Variants in RBPJ observed in about 807,000 individuals in gnomAD.
RBPJ encodes recombination signal binding protein for immunoglobulin kappa J region, also known as recombining binding protein suppressor of hairless.
RBPJ carries 9 observed loss-of-function variants against 67.8 expected under a neutral mutation model. The ratio of observed to expected loss-of-function variants is 0.13; its 90% CI spans 0.08 to 0.23. The LOEUF is 0.23. Ranked by LOEUF, RBPJ falls within the 10% of genes least tolerant of loss-of-function variation. The pLI, the probability that RBPJ is intolerant of heterozygous loss-of-function variation, is 1.00. For missense variants in RBPJ, 305 were observed against 595.6 expected, an observed-to-expected ratio of 0.51 and a Z score of 5.08; for synonymous variants, 198 against 203.3, an observed-to-expected ratio of 0.97 and a Z score of 0.22.
Position 26,375,336 on chromosome 4 carries a change from C to T in RBPJ, c.21-11017C>T, listed in dbSNP as rs142096731. Among the ~76,000 whole-genome samples the T allele has an allele frequency of 2.1e-3, 314 of 150,660 alleles. 3 individuals carry two copies. Among genetic ancestry groups the T allele is most frequent in the Non-Finnish European group, 2.9e-3 (195 of 67,688 alleles). ...AATAATGTGGGTATGATGTGAGATA[C>T]GCATGCAAAGTATGTAATATAATGC... On this transcript the variant is annotated intron_variant, in intron 1 of 10. Coordinates refer to ENST00000355476, the MANE Select transcript of RBPJ (RefSeq NM_015874.6).
At chr4:26,285,006 A>G (rs1439234520) in intron 1 of RBPJ, among the ~76,000 whole-genome samples, 5 of 151,100 alleles carry the variant, frequency 3.3e-5, no homozygotes, top group Non-Finnish European at 7.4e-5. Flanking sequence ...ACAGGTGCCC[A>G]CCACCACGCC....
intron 1 of RBPJ, among the ~76,000 whole-genome samples, chr4:26,382,776 C>T (rs141272443): frequency 2.6e-5 from 4 of 152,260 alleles, no homozygotes; most frequent in African/African-American, 9.6e-5. Context: ...CCTGTGCTCA[C>T]GCAGTCCACC....
intron 7 of RBPJ, among the ~76,000 whole-genome samples, chr4:26,426,172 A>AT (rs902478195): frequency 6.6e-6 from 1 of 152,100 alleles, no homozygotes; most frequent in Non-Finnish European, 1.5e-5. Context: ...GCATTTATTC[A>AT]TTTTTTTTCT....
intron 1 of RBPJ, among the ~76,000 whole-genome samples, chr4:26,289,364 G>A (rs758359115): frequency 3.6e-5 from 4 of 111,436 alleles, no homozygotes; most frequent in Admixed American, 1.3e-4. Context: ...CAGCCTCAGC[G>A]ACAGAGTGAG....
At chr4:26,351,950 CG>C (rs1726852789) in intron 1 of RBPJ, among the ~76,000 whole-genome samples, 1 of 152,004 alleles carries the variant, frequency 6.6e-6, no homozygotes, top group African/African-American at 2.4e-5. Context: ...TGCTTTGGGT[CG>C]GGGGGAGGTG....
chr4:26,235,816 C>A (rs1448084583), intron 1 of RBPJ, among the ~76,000 whole-genome samples: 1 of 152,252 alleles, frequency 6.6e-6, no homozygotes, highest in Non-Finnish European at 1.5e-5. Context: ...TCCTGATGAG[C>A]TAATTCCCTT....
At chr4:26,193,650 C>T (rs1717649606) in intron 1 of RBPJ, among the ~76,000 whole-genome samples, 1 of 152,184 alleles carries the variant, frequency 6.6e-6, no homozygotes, top group Admixed American at 6.5e-5. Flanking sequence ...AACATAAGCA[C>T]CTTCTCCACT....
At chr4:26,401,119 C>T (rs985913701) in intron 2 of RBPJ, among the ~76,000 whole-genome samples, 1 of 152,216 alleles carries the variant, frequency 6.6e-6, no homozygotes, top group Non-Finnish European at 1.5e-5. Context: ...TAGCTCGAGG[C>T]TACTGACACT....
intron 1 of RBPJ, among the ~76,000 whole-genome samples, chr4:26,351,608 G>A (rs1577498746): frequency 6.6e-6 from 1 of 152,146 alleles, no homozygotes; most frequent in Non-Finnish European, 1.5e-5. Flanking sequence ...CTTGAACTCA[G>A]GAACTCAAGT....
chr4:26,410,117 T>C (rs1733872752), intron 3 of RBPJ: 1 of 443,076 alleles, frequency 2.3e-6, no homozygotes, highest in Non-Finnish European at 4.5e-6. Context: ...TTCAGAGAAG[T>C]GTTCTGGGCT....
At chr4:26,350,663 A>G (rs547914431) in intron 1 of RBPJ, among the ~76,000 whole-genome samples, 1 of 152,344 alleles carries the variant, frequency 6.6e-6, no homozygotes, top group African/African-American at 2.4e-5. Flanking sequence ...GGGAGATAAC[A>G]TTCTAGCAAG....
chr4:26,380,752 G>C (rs907379899), intron 1 of RBPJ, among the ~76,000 whole-genome samples: 1 of 151,602 alleles, frequency 6.6e-6, no homozygotes, highest in African/African-American at 2.4e-5. Flanking sequence ...TTATGAGTTT[G>C]GATTGTTGAT....
intron 1 of RBPJ, among the ~76,000 whole-genome samples, chr4:26,225,177 A>G (rs1719039079): frequency 6.6e-6 from 1 of 152,252 alleles, no homozygotes; most frequent in African/African-American, 2.4e-5. Context: ...GCTGGTATAA[A>G]GGAAAACAGA....
chr4:26,196,282 C>T (rs1171181717), intron 1 of RBPJ, among the ~76,000 whole-genome samples: 1 of 152,198 alleles, frequency 6.6e-6, no homozygotes, highest in Non-Finnish European at 1.5e-5. Context: ...CCTGCTGCAA[C>T]ATGAATGAAC....
intron 1 of RBPJ, among the ~76,000 whole-genome samples, chr4:26,353,303 A>G (rs1726997195): frequency 6.6e-6 from 1 of 152,250 alleles, no homozygotes; most frequent in South Asian, 2.1e-4. Flanking sequence ...GGAAACATAC[A>G]TTGTATCAGA....
chr4:26,397,385 C>T (rs1219483467), intron 2 of RBPJ, among the ~76,000 whole-genome samples: 1 of 152,132 alleles, frequency 6.6e-6, no homozygotes, highest in East Asian at 1.9e-4. Context: ...TCTGAACCCT[C>T]AGTTGTTCAT....
At chr4:26,371,531 A>G (rs1008333977) in intron 1 of RBPJ, among the ~76,000 whole-genome samples, 7 of 151,602 alleles carry the variant, frequency 4.6e-5, no homozygotes, top group African/African-American at 1.7e-4. Context: ...ACTAGTTGGC[A>G]TTTTTTTTTC....
At chr4:26,216,915 A>G (rs1340999926) in intron 1 of RBPJ, among the ~76,000 whole-genome samples, 2 of 152,162 alleles carry the variant, frequency 1.3e-5, no homozygotes, top group Non-Finnish European at 2.9e-5. Flanking sequence ...ACAGAGTAAG[A>G]CACTGTCTTA....
chr4:26,325,325 G>A (rs1723511166), intron 1 of RBPJ, among the ~76,000 whole-genome samples: 1 of 152,122 alleles, frequency 6.6e-6, no homozygotes, highest in Non-Finnish European at 1.5e-5. Context: ...TCTACATGTA[G>A]CAGAGCAGTC....
Sources: gnomAD v4.1 joint callset for allele counts (sites outside exome capture counted in the v4.1 genomes callset) on GRCh38, gnomAD v4.1.1 for gene constraint, MANE v1.5 for transcripts, NCBI Gene and HGNC (gene_info 2026-07-23, HGNC 2026-07-21) for gene names.